Variants in GLP2R observed in about 807,000 individuals in gnomAD.
The protein encoded by GLP2R is glucagon like peptide 2 receptor.
A neutral mutation model predicts 68.2 loss-of-function variants in GLP2R; 59 were observed. The observed-to-expected ratio is 0.87, with a 90% CI of 0.70 to 1.07. The LOEUF is 1.07. Ranked by LOEUF, GLP2R falls within the 50% of genes least tolerant of loss-of-function variation. GLP2R has a pLI of 0.00. For synonymous variants in GLP2R, 270 were observed against 265.4 expected (o/e 1.02, Z -0.17); for missense variants, 548 against 677.4 (o/e 0.81, Z 2.12).
chr17:9,851,342 A>G (rs528535020), intron 4 of GLP2R, among the ~76,000 whole-genome samples: 105 of 152,370 alleles, frequency 6.9e-4, no homozygotes, highest in African/African-American at 2.4e-3. Flanking sequence ...TTCATAGTCT[A>G]TCTGGAAAGA....
chr17:9,843,211 G>A (rs1337447617), intron 4 of GLP2R, among the ~76,000 whole-genome samples: 1 of 152,238 alleles, frequency 6.6e-6, no homozygotes, highest in Non-Finnish European at 1.5e-5. Context: ...ATTCCAAATA[G>A]TAAGAATGTT....
At chr17:9,828,923 G>A (rs1365163440) in intron 1 of GLP2R, among the ~76,000 whole-genome samples, 1 of 151,956 alleles carries the variant, frequency 6.6e-6, no homozygotes, top group Non-Finnish European at 1.5e-5. Flanking sequence ...CTGTCCTCCG[G>A]GTGTGTCTGT....
At chr17:9,884,053 A>G (rs369214580) in intron 11 of GLP2R, among the ~76,000 whole-genome samples, 2 of 152,194 alleles carry the variant, frequency 1.3e-5, no homozygotes, top group African/African-American at 4.8e-5. Context: ...GGCTTATAAC[A>G]TATAAAGATC....
chr17:9,889,468 A>G lies in GLP2R; in HGVS notation c.1425A>G (p.Gly475=). Residue 475 remains glycine, a synonymous_variant, in exon 13 of 13, where the codon GGA becomes GGG. Coordinates refer to ENST00000262441, the MANE Select transcript of GLP2R (RefSeq NM_004246.3). ...TGGGGAAGGACTTCCGGTTCCTAGG[A>G]AAATGTCCCAAGAAGCTCTCGGAAG... ...CVLGKDFRFL[G]KCPKKLSEGD... 4 of 1,614,008 alleles carry G rather than the reference A, an allele frequency of 2.5e-6. No homozygotes were observed. Among genetic ancestry groups the G allele is most frequent in the Non-Finnish European group, 3.4e-6 (4 of 1,179,846 alleles).
chr17:9,849,073 T>C (rs1209099143), intron 4 of GLP2R, among the ~76,000 whole-genome samples: 1 of 151,798 alleles, frequency 6.6e-6, no homozygotes, highest in Non-Finnish European at 1.5e-5. Flanking sequence ...TTTTAATATA[T>C]GGCATATAAT....
intron 6 of GLP2R, among the ~76,000 whole-genome samples, chr17:9,859,437 T>C (rs2066964038): frequency 6.6e-6 from 1 of 151,996 alleles, no homozygotes; most frequent in Non-Finnish European, 1.5e-5. Context: ...CCTTCCTTCA[T>C]ATTTTGATAT....
At chr17:9,845,603 C>G (rs1338271085) in intron 4 of GLP2R, among the ~76,000 whole-genome samples, 1 of 152,096 alleles carries the variant, frequency 6.6e-6, no homozygotes, top group East Asian at 1.9e-4. Flanking sequence ...TTCCCTGGAC[C>G]CTACAAACAC....
intron 5 of GLP2R, among the ~76,000 whole-genome samples, chr17:9,856,896 C>T (rs2066938320): frequency 6.6e-6 from 1 of 151,936 alleles, no homozygotes; most frequent in African/African-American, 2.4e-5. Context: ...ACACGGCTGG[C>T]ATGTTGAAGA....
At chr17:9,881,904 T>A (rs548490796) in intron 11 of GLP2R, among the ~76,000 whole-genome samples, 3 of 152,226 alleles carry the variant, frequency 2.0e-5, no homozygotes, top group Admixed American at 2.0e-4. Context: ...TGAAAATGAA[T>A]CATCTTTAAA....
intron 11 of GLP2R, among the ~76,000 whole-genome samples, chr17:9,886,783 C>T (rs1481428967): frequency 6.6e-6 from 1 of 152,184 alleles, no homozygotes; most frequent in Non-Finnish European, 1.5e-5. Flanking sequence ...GCAGAAAAGC[C>T]TTCCCCAGTG....
At chr17:9,865,791 C>G (rs977246846) in intron 9 of GLP2R, 1 of 470,706 alleles carries the variant, frequency 2.1e-6, no homozygotes, top group African/African-American at 2.0e-5. Context: ...ACCCTCAGCT[C>G]TTAGAGAGGA....
intron 4 of GLP2R, among the ~76,000 whole-genome samples, chr17:9,848,681 C>CA (rs575311770): frequency 6.9e-4 from 105 of 151,672 alleles, no homozygotes; most frequent in African/African-American, 2.1e-3. Flanking sequence ...AAATACTTAA[C>CA]AAAAAAAACA....
At chr17:9,850,768 A>G (rs2066884446) in intron 4 of GLP2R, among the ~76,000 whole-genome samples, 2 of 143,430 alleles carry the variant, frequency 1.4e-5, no homozygotes, top group South Asian at 4.3e-4. Flanking sequence ...ATATTGGCTC[A>G]CTGCAACCTC....
At chr17:9,862,176 G>A (rs2066993732) in intron 9 of GLP2R, 86 bp downstream of exon 9, 3 of 927,650 alleles carry the variant, frequency 3.2e-6, no homozygotes, top group South Asian at 2.7e-5. Context: ...TGTCCCCCAG[G>A]TTCTCTGATC....
intron 4 of GLP2R, among the ~76,000 whole-genome samples, chr17:9,848,082 A>G (rs762950090): frequency 1.2e-4 from 18 of 152,250 alleles, no homozygotes; most frequent in Non-Finnish European, 2.6e-4. Context: ...TTGAGTTAAC[A>G]GAATCCTGTG....
Position 9,861,069 on chromosome 17 carries a change from C to T in GLP2R, c.926-70C>T, listed in dbSNP as rs145668002. On this transcript the variant is annotated intron_variant, in intron 7 of 12. Transcript: ENST00000262441. ...GTAACCACCTGTGGTTAGCCTCATC[C>T]GCTGTGGTGGGAGGCAAGCAGGTTT... 851 of 1,061,158 alleles carry T rather than the reference C, an allele frequency of 8.0e-4. 1 individual carries two copies. The highest frequency in any genetic ancestry group is 4.6e-3 in the Middle Eastern group (18 of 3,914). The allele number at this position is 1,061,158 out of a possible 1,614,324, so 65.7% of individuals were successfully genotyped here. A position where few individuals can be genotyped will look rare whatever the true frequency, so the allele number is the denominator to read the frequency against.
chr17:9,857,400 C>T, intron 5 of GLP2R, 23 bp from the exon 6 acceptor site: 2 of 1,612,548 alleles, frequency 1.2e-6, no homozygotes, highest in Non-Finnish European at 8.5e-7. Context: ...TGAGGGAAGG[C>T]ATTTGGTTTT....
At chr17:9,884,346 T>C (rs1416488422) in intron 11 of GLP2R, among the ~76,000 whole-genome samples, 1 of 152,204 alleles carries the variant, frequency 6.6e-6, no homozygotes, top group Non-Finnish European at 1.5e-5. Flanking sequence ...GATAAATTAT[T>C]ATACCTATTT....
intron 9 of GLP2R, chr17:9,866,806 A>G (rs1354361919): frequency 2.0e-5 from 3 of 152,190 alleles, no homozygotes; most frequent in African/African-American, 7.2e-5. Flanking sequence ...TCATATGACC[A>G]CATGTTGCAA....
Sources: gnomAD v4.1 joint callset for allele counts (sites outside exome capture counted in the v4.1 genomes callset) on GRCh38, gnomAD v4.1.1 for gene constraint, MANE v1.5 for transcripts, NCBI Gene and HGNC (gene_info 2026-07-23, HGNC 2026-07-21) for gene names.